The following NUP160 variants were observed in gnomAD, a reference collection of about 807,000 sequenced individuals.
NUP160 encodes the protein nuclear pore complex protein Nup160.
A neutral mutation model predicts 196.9 loss-of-function variants in NUP160; 94 were observed. The ratio of observed to expected loss-of-function variants is 0.48; its 90% confidence interval spans 0.40 to 0.57. The LOEUF is 0.57. Among genes scored for constraint, NUP160 ranks in the 20% least tolerant of loss-of-function variants. NUP160 has a pLI of 0.00. For missense variants in NUP160, 1,638 were observed against 1,748.3 expected, an observed-to-expected ratio of 0.94 and a Z score of 1.13; for synonymous variants, 605 against 619.7, an observed-to-expected ratio of 0.98 and a Z score of 0.35.
chr11:47,824,054 C>CATATATATATATATATGTATATATAT (rs1565203534), intron 7 of NUP160, among the ~76,000 whole-genome samples: 1 of 75,510 alleles, frequency 1.3e-5, no homozygotes, highest in Non-Finnish European at 2.9e-5. Flanking sequence ...TATATATATA[C>CATATATATATATATATGTATATATAT]ACACACACAT....
At chr11:47,794,640 C>T (rs2097669795) in intron 27 of NUP160, among the ~76,000 whole-genome samples, 1 of 152,054 alleles carries the variant, frequency 6.6e-6, no homozygotes, top group Non-Finnish European at 1.5e-5. Flanking sequence ...GGTGTGGTGA[C>T]TCATGCCTGT....
chr11:47,831,141 C>T (rs1234641172), intron 7 of NUP160, among the ~76,000 whole-genome samples: 1 of 151,384 alleles, frequency 6.6e-6, no homozygotes, highest in Non-Finnish European at 1.5e-5. Context: ...CCAGCCTGGG[C>T]AACAGAGCAA....
intron 11 of NUP160, among the ~76,000 whole-genome samples, chr11:47,817,348 T>A (rs1851754677): frequency 6.6e-6 from 1 of 150,674 alleles, no homozygotes; most frequent in Non-Finnish European, 1.5e-5. Flanking sequence ...AAAACTTTTT[T>A]TTTTTTTTTT....
intron 2 of NUP160, among the ~76,000 whole-genome samples, chr11:47,846,682 A>AT (rs1196270491): frequency 1.3e-5 from 2 of 152,054 alleles, no homozygotes; most frequent in Non-Finnish European, 2.9e-5. Flanking sequence ...TAAAAGCAAA[A>AT]TTTTTTTTGT....
chr11:47,821,858 G>T (rs1410449821), intron 8 of NUP160, 37 bp from the exon 9 acceptor site: 1 of 1,507,936 alleles, frequency 6.6e-7, no homozygotes, highest in East Asian at 2.3e-5. Context: ...GATAAAATAA[G>T]AAAGAAAGTA....
At chr11:47,789,295 A>C (rs539741280) in intron 29 of NUP160, among the ~76,000 whole-genome samples, 104 of 152,296 alleles carry the variant, frequency 6.8e-4, no homozygotes, top group African/African-American at 2.5e-3. Flanking sequence ...GGCATGAGCC[A>C]CTGCACCTGG....
chr11:47,827,673 G>A (rs930885708), intron 7 of NUP160, among the ~76,000 whole-genome samples: 7 of 151,542 alleles, frequency 4.6e-5, no homozygotes, highest in Non-Finnish European at 8.8e-5. Context: ...CATTCACTGC[G>A]CTCCAGCCTG....
At chr11:47,816,782 A>G (rs63083461) in intron 11 of NUP160, among the ~76,000 whole-genome samples, 22 of 448 alleles carry the variant, frequency 0.049, no homozygotes, top group Non-Finnish European at 0.44. Context: ...CCTCAAAGGG[A>G]AAAAAAAAAA....
intron 9 of NUP160, 149 bp from the exon 10 acceptor site, chr11:47,819,607 TAAGA>T (rs758052439): frequency 1.0e-4 from 49 of 482,514 alleles, no homozygotes; most frequent in South Asian, 2.0e-4. Flanking sequence ...TTTTTTTAAA[TAAGA>T]AAGAAAGAAA....
intron 8 of NUP160, 50 bp downstream of exon 8, chr11:47,822,036 AT>A (rs1447031244): frequency 2.4e-6 from 3 of 1,238,554 alleles, no homozygotes; most frequent in Non-Finnish European, 3.5e-6. Flanking sequence ...GAGTTAGTCA[AT>A]ACTTCTTTTT....
intron 18 of NUP160, 32 bp downstream of exon 18, chr11:47,808,355 TCACAATTTA>T: frequency 6.4e-7 from 1 of 1,565,166 alleles, no homozygotes; most frequent in Non-Finnish European, 8.7e-7. Flanking sequence ...ATAATTAAAC[TCACAATTTA>T]CATTTTAAAT....
At chr11:47,841,596 C>T (rs879166552) in intron 2 of NUP160, 1 of 431,680 alleles carries the variant, frequency 2.3e-6, no homozygotes, top group South Asian at 2.1e-5. Flanking sequence ...CGAAGACAGC[C>T]AGTGTTACAA....
At chr11:47,813,373 A>C in exon 14 of NUP160, 1 of 1,612,684 alleles carries the variant, frequency 6.2e-7, no homozygotes, top group Middle Eastern at 1.7e-4. Flanking sequence ...AGGAGATACA[A>C]ATGATCCACT....
chr11:47,821,565 G>A lies in NUP160; in HGVS notation c.1277+159C>T, dbSNP rs534341542. Reference sequence around the variant, plus strand: ...TTTTAGTAGAGACGGGGTTTCTGTTGCCCAGCCTGGTCTCGAACTCCTGAG... The same window carrying A: ...TTTTAGTAGAGACGGGGTTTCTGTTACCCAGCCTGGTCTCGAACTCCTGAG... On this transcript the variant is annotated intron_variant, in intron 9 of 35. Coordinates refer to ENST00000378460, the Ensembl canonical transcript of NUP160. 1.4e-5 allele frequency: 8 copies of A among 566,758 alleles called. No homozygotes were observed. The African/African-American group carries it at 1.5e-4, about 11-fold the overall frequency. The allele number at this position is 566,758 out of a possible 1,614,324, so 35.1% of individuals were successfully genotyped here.
intron 7 of NUP160, among the ~76,000 whole-genome samples, chr11:47,823,658 C>T (rs553750540): frequency 6.6e-6 from 1 of 152,196 alleles, no homozygotes; most frequent in Non-Finnish European, 1.5e-5. Context: ...CCTCAGCCTA[C>T]TGAGTAGCTG....
At chr11:47,790,312 T>C (rs982428333) in intron 29 of NUP160, among the ~76,000 whole-genome samples, 3 of 151,908 alleles carry the variant, frequency 2.0e-5, no homozygotes, top group Non-Finnish European at 4.4e-5. Flanking sequence ...CAGGCTGGAG[T>C]GCAGTGGCGC....
At chr11:47,815,494 C>T (rs1360011758) in exon 13 of NUP160, 1 of 1,600,276 alleles carries the variant, frequency 6.2e-7, no homozygotes, top group Middle Eastern at 1.7e-4. Flanking sequence ...TCAGCAGGCA[C>T]ACCATGTTTG....
chr11:47,790,035 T>A (rs1186191192), intron 29 of NUP160, among the ~76,000 whole-genome samples: 2 of 149,726 alleles, frequency 1.3e-5, no homozygotes, highest in Non-Finnish European at 3.0e-5. Context: ...AACCTCTCCC[T>A]CCTGGGTACA....
At chr11:47,809,249 C>T (rs1289768676) in intron 17 of NUP160, among the ~76,000 whole-genome samples, 2 of 84,066 alleles carry the variant, frequency 2.4e-5, no homozygotes, top group Non-Finnish European at 4.3e-5. Context: ...GAAGTGAGAA[C>T]TTGTCTCAAA....
Sources: gnomAD v4.1 joint callset for allele counts (sites outside exome capture counted in the v4.1 genomes callset) on GRCh38, gnomAD v4.1.1 for gene constraint, MANE v1.5 for transcripts, NCBI Gene and HGNC (gene_info 2026-07-23, HGNC 2026-07-21) for gene names.